The following KCNIP4 variants were observed in gnomAD, a reference collection of about 807,000 sequenced individuals.
KCNIP4 encodes the protein potassium voltage-gated channel interacting protein 4.
KCNIP4 carries 12 observed loss-of-function variants against 34.0 expected under a neutral mutation model. That is an observed-to-expected ratio of 0.35 (90% CI 0.23 to 0.57). The LOEUF (loss-of-function observed/expected upper bound fraction) is 0.57. Ranked by LOEUF, KCNIP4 falls within the 20% of genes least tolerant of loss-of-function variation. The probability of loss-of-function intolerance (pLI) is 0.83; values close to 1 mark genes in which losing one functional copy is unlikely to be tolerated. For missense variants in KCNIP4, 238 were observed against 311.7 expected (o/e 0.76, Z 1.78); for synonymous variants, 124 against 102.2 (o/e 1.21, Z -1.29).
chr4:20,865,311 ACTTATTCTTTAAGAATAAGTTCTAAC>A (rs755296350), intron 2 of KCNIP4, among the ~76,000 whole-genome samples: 76 of 152,226 alleles, frequency 5.0e-4, no homozygotes, highest in Non-Finnish European at 9.7e-4. Flanking sequence ...TCAGTGGCTA[ACTTATTCTTTAAGAATAAGTTCTAAC>A]CTTATTCTTT....
At chr4:21,069,725 T>C (rs190518391) in intron 1 of KCNIP4, among the ~76,000 whole-genome samples, 1 of 152,322 alleles carries the variant, frequency 6.6e-6, no homozygotes, top group African/African-American at 2.4e-5. Context: ...GCAAATCTTA[T>C]TTTTTCACTT....
At chr4:21,722,625 GA>G (rs138465736) in intron 1 of KCNIP4, among the ~76,000 whole-genome samples, 24 of 152,210 alleles carry the variant, frequency 1.6e-4, no homozygotes, top group African/African-American at 5.8e-4. Context: ...CAATTGAGAA[GA>G]GAGAAATCAC....
chr4:21,077,326 A>T (rs965367557), intron 1 of KCNIP4, among the ~76,000 whole-genome samples: 3 of 152,100 alleles, frequency 2.0e-5, no homozygotes, highest in African/African-American at 7.2e-5. Flanking sequence ...AAAAAGTAAA[A>T]GTTAAAATAT....
At chr4:21,173,583 T>C (rs1754176835) in intron 1 of KCNIP4, among the ~76,000 whole-genome samples, 1 of 152,120 alleles carries the variant, frequency 6.6e-6, no homozygotes, top group African/African-American at 2.4e-5. Context: ...TTAGGAATGA[T>C]TTAGTGCACA....
intron 1 of KCNIP4, among the ~76,000 whole-genome samples, chr4:21,665,967 A>G (rs1462871718): frequency 6.6e-6 from 1 of 152,222 alleles, no homozygotes; most frequent in African/African-American, 2.4e-5. Flanking sequence ...CTGCTGTAAG[A>G]AAACATAACA....
At chr4:21,400,498 C>T (rs1443064223) in intron 1 of KCNIP4, among the ~76,000 whole-genome samples, 1 of 142,710 alleles carries the variant, frequency 7.0e-6, no homozygotes, top group Non-Finnish European at 1.5e-5. Flanking sequence ...CTCTCCCCTC[C>T]CTTCCCCTCC....
chr4:21,016,543 C>T (rs1739562851), intron 1 of KCNIP4, among the ~76,000 whole-genome samples: 2 of 152,156 alleles, frequency 1.3e-5, no homozygotes, highest in South Asian at 4.1e-4. Flanking sequence ...GATCTGCCCG[C>T]CTCGGCCTCC....
chr4:21,724,394 A>T (rs1425262454), intron 1 of KCNIP4, among the ~76,000 whole-genome samples: 1 of 152,152 alleles, frequency 6.6e-6, no homozygotes, highest in Non-Finnish European at 1.5e-5. Flanking sequence ...AAATAATACA[A>T]GTGAGATATT....
chr4:21,052,591 G>A (rs1743024223), intron 1 of KCNIP4, among the ~76,000 whole-genome samples: 1 of 152,118 alleles, frequency 6.6e-6, no homozygotes, highest in Admixed American at 6.6e-5. Context: ...TGAAGGTAAT[G>A]GTCATCCAAA....
chr4:20,850,862 T>G lies in KCNIP4; in HGVS notation c.164-195A>C, dbSNP rs1720945122. 8.3e-6 allele frequency: 4 copies of G among 479,514 alleles called. No individual in the cohort carries two copies. The South Asian group carries it at 2.3e-4, about 28-fold the overall frequency. 29.7% of individuals were successfully genotyped at this position (479,514 alleles called of 1,614,324 possible). A position where few individuals can be genotyped will look rare whatever the true frequency, so the allele number is the denominator to read the frequency against. On this transcript the variant is annotated intron_variant, in intron 2 of 8. Transcript: ENST00000382152. ...TAAGCTAAAACACTTGTATATGATT[T>G]TTTTGCATATTCTTGTCATTAATGT...
At chr4:20,772,232 A>G (rs1214347702) in intron 3 of KCNIP4, among the ~76,000 whole-genome samples, 1 of 152,192 alleles carries the variant, frequency 6.6e-6, no homozygotes, top group East Asian at 1.9e-4. Flanking sequence ...AAAGTTAACT[A>G]AGGGGTAACT....
chr4:21,863,260 A>ATTTTTTTTTTTTTT (rs34972685), intron 1 of KCNIP4, among the ~76,000 whole-genome samples: 3 of 141,742 alleles, frequency 2.1e-5, no homozygotes, highest in African/African-American at 7.7e-5. Flanking sequence ...CACGGATTGA[A>ATTTTTTTTTTTTTT]TTTTTTTTTT....
intron 1 of KCNIP4, among the ~76,000 whole-genome samples, chr4:21,441,114 C>G (rs954011575): frequency 4.0e-5 from 6 of 151,066 alleles, no homozygotes; most frequent in African/African-American, 1.2e-4. Flanking sequence ...GGTCTTCTAT[C>G]TGCCCTTGTT....
chr4:21,308,838 G>A (rs1321291401), intron 1 of KCNIP4, among the ~76,000 whole-genome samples: 2 of 152,078 alleles, frequency 1.3e-5, no homozygotes, highest in Non-Finnish European at 2.9e-5. Context: ...TAACTACTGA[G>A]GAGGGTGAGA....
At chr4:21,926,726 C>G (rs114668818) in intron 1 of KCNIP4, among the ~76,000 whole-genome samples, 2,034 of 152,272 alleles carry the variant, frequency 0.013, 40 homozygotes, top group African/African-American at 0.046. Context: ...ACTACTACCT[C>G]TTAGACTACC....
chr4:20,767,591 G>A (rs1315877357), intron 3 of KCNIP4, among the ~76,000 whole-genome samples: 3 of 152,142 alleles, frequency 2.0e-5, no homozygotes, highest in Non-Finnish European at 4.4e-5. Context: ...TCAGAGCTCT[G>A]TTGAAATGCA....
intron 1 of KCNIP4, among the ~76,000 whole-genome samples, chr4:21,097,229 G>C (rs1177244041): frequency 6.6e-6 from 1 of 152,044 alleles, no homozygotes; most frequent in Admixed American, 6.6e-5. Context: ...TAAACAAAAT[G>C]TGTCATAGCC....
chr4:21,640,782 A>G (rs1746559009), intron 1 of KCNIP4, among the ~76,000 whole-genome samples: 1 of 152,192 alleles, frequency 6.6e-6, no homozygotes, highest in Non-Finnish European at 1.5e-5. Context: ...AGGCTCTGCA[A>G]CAGGTCTAGG....
At chr4:21,202,314 G>A (rs1000481216) in intron 1 of KCNIP4, among the ~76,000 whole-genome samples, 19 of 152,172 alleles carry the variant, frequency 1.2e-4, no homozygotes, top group Non-Finnish European at 1.9e-4. Context: ...TATTCTAAGT[G>A]AACTAATGCA....
Sources: allele counts gnomAD v4.1 joint callset (sites outside exome capture counted in the v4.1 genomes callset), GRCh38; gene constraint gnomAD v4.1.1; transcripts MANE v1.5; gene names NCBI Gene and HGNC (gene_info 2026-07-23, HGNC 2026-07-21).